The following PDK1 variants were observed in gnomAD, a reference collection of about 807,000 sequenced individuals.
The protein encoded by PDK1 is [Pyruvate dehydrogenase (acetyl-transferring)] kinase isozyme 1, mitochondrial.
Under a neutral mutation model 54.2 loss-of-function variants are expected in PDK1, and 39 were observed. The observed-to-expected ratio is 0.72, with a 90% CI of 0.56 to 0.94. The LOEUF (loss-of-function observed/expected upper bound fraction) is 0.94. Among genes scored for constraint, PDK1 ranks in the 40% least tolerant of loss-of-function variants. The pLI is 0.00. For missense variants in PDK1, 552 were observed against 566.0 expected, an observed-to-expected ratio of 0.98 and a Z score of 0.25; for synonymous variants, 221 against 207.1, an observed-to-expected ratio of 1.07 and a Z score of -0.58.
At chr2:172,595,441 A>G (rs1574539891) in intron 10 of PDK1, among the ~76,000 whole-genome samples, 1 of 152,238 alleles carries the variant, frequency 6.6e-6, no homozygotes, top group African/African-American at 2.4e-5. Context: ...AATAATTAAA[A>G]TAGAGTTCAT....
the PDK1 span, among the ~76,000 whole-genome samples, chr2:172,646,063 G>A: frequency 6.6e-6 from 1 of 152,106 alleles, no homozygotes; most frequent in African/African-American, 2.4e-5. Context: ...TACTAAATAA[G>A]ATAGCATAAT....
the PDK1 span, among the ~76,000 whole-genome samples, chr2:172,664,247 G>T: frequency 4.2e-5 from 5 of 119,780 alleles, no homozygotes; most frequent in African/African-American, 1.3e-4. Flanking sequence ...GGAGGCAGAG[G>T]TTGCAAAGAG....
the PDK1 span, among the ~76,000 whole-genome samples, chr2:172,665,646 C>T: frequency 6.6e-6 from 1 of 152,184 alleles, no homozygotes; most frequent in Non-Finnish European, 1.5e-5. Context: ...AATTTGCCTA[C>T]CAGATTCCTT....
chr2:172,586,290 G>T lies in PDK1; in HGVS notation c.958G>T (p.Gly320Ter). The T allele has an allele frequency of 6.2e-7, 1 of 1,609,194 alleles. No individual in the cohort carries two copies. Among genetic ancestry groups the T allele is most frequent in the Non-Finnish European group, 8.5e-7 (1 of 1,175,662 alleles). Residue 320 changes from glycine to a stop codon, truncating the protein, a stop_gained, in exon 9 of 11, where the codon GGA becomes TGA. Transcript: ENST00000282077. LOFTEE classifies it high-confidence loss of function. The part of the protein sequence containing the change: ...EDLTVKMSDR[G>*]GGVPLRKIDR... ...TTTCTTACCTTAGATGAGTGACCGA[G>T]GAGGTGGCGTTCCTTTGAGGAAAAT...
At chr2:172,662,887 T>G in the PDK1 span, among the ~76,000 whole-genome samples, 1 of 152,160 alleles carries the variant, frequency 6.6e-6, no homozygotes, top group Non-Finnish European at 1.5e-5. Context: ...AGACCTCCCC[T>G]GATAAACTGG....
the PDK1 span, among the ~76,000 whole-genome samples, chr2:172,682,058 C>T: frequency 6.6e-6 from 1 of 152,348 alleles, no homozygotes; most frequent in South Asian, 2.1e-4. Context: ...CACGCCCAGC[C>T]AGGAATTACA....
At chr2:172,629,972 CTG>C in the PDK1 span, among the ~76,000 whole-genome samples, 4 of 152,180 alleles carry the variant, frequency 2.6e-5, no homozygotes, top group African/African-American at 7.2e-5. Context: ...CCTCAACAAT[CTG>C]TGTGTGAGTT....
chr2:172,660,902 G>A, the PDK1 span, among the ~76,000 whole-genome samples: 1 of 152,168 alleles, frequency 6.6e-6, no homozygotes, highest in African/African-American at 2.4e-5. Flanking sequence ...TACCTGTCTG[G>A]CAAGGGAAGA....
the PDK1 span, among the ~76,000 whole-genome samples, chr2:172,620,441 C>A: frequency 1.3e-5 from 2 of 152,074 alleles, no homozygotes; most frequent in South Asian, 4.2e-4. Flanking sequence ...TTGGACAGAA[C>A]TGAGGATATG....
intron 8 of PDK1, among the ~76,000 whole-genome samples, chr2:172,574,025 C>T (rs562561587): frequency 1.1e-4 from 16 of 152,258 alleles, no homozygotes; most frequent in East Asian, 1.9e-4. Context: ...AAAGTCTTGA[C>T]GACTTATGCC....
At chr2:172,655,681 C>T in the PDK1 span, among the ~76,000 whole-genome samples, 45 of 152,300 alleles carry the variant, frequency 3.0e-4, no homozygotes, top group African/African-American at 1.0e-3. Flanking sequence ...CAACCCCTTA[C>T]GGGATGGGGA....
chr2:172,644,210 A>T, the PDK1 span, among the ~76,000 whole-genome samples: 1 of 152,238 alleles, frequency 6.6e-6, no homozygotes, highest in East Asian at 1.9e-4. Context: ...AGACTTTAAA[A>T]ATGTACCAGA....
At chr2:172,614,785 A>G in the PDK1 span, among the ~76,000 whole-genome samples, 9 of 152,338 alleles carry the variant, frequency 5.9e-5, no homozygotes, top group Non-Finnish European at 1.2e-4. Flanking sequence ...CACCATGGCC[A>G]TAGAGGTTTC....
At chr2:172,613,291 T>G (rs1444927517), downstream of PDK1, among the ~76,000 whole-genome samples, 1 of 152,252 alleles carries the variant, frequency 6.6e-6, no homozygotes, top group African/African-American at 2.4e-5. Context: ...GCACACAGCC[T>G]GAAGGAACTG....
chr2:172,691,969 G>A, the PDK1 span, among the ~76,000 whole-genome samples: 1 of 152,210 alleles, frequency 6.6e-6, no homozygotes, highest in Admixed American at 6.5e-5. Context: ...GTTTAGTCTT[G>A]TAAGAACCTT....
chr2:172,587,755 G>T (rs552757517), intron 9 of PDK1, among the ~76,000 whole-genome samples: 1 of 152,292 alleles, frequency 6.6e-6, no homozygotes, highest in African/African-American at 2.4e-5. Flanking sequence ...ATTTTACAGA[G>T]AGCTGATTGG....
chr2:172,654,176 G>A, the PDK1 span, among the ~76,000 whole-genome samples: 5 of 152,202 alleles, frequency 3.3e-5, no homozygotes, highest in African/African-American at 1.2e-4. Flanking sequence ...TGGTGGGACT[G>A]TAAACTAGTT....
intron 8 of PDK1, among the ~76,000 whole-genome samples, chr2:172,573,995 A>G (rs898286096): frequency 1.4e-4 from 22 of 152,128 alleles, no homozygotes; most frequent in African/African-American, 5.1e-4. Flanking sequence ...TTTTATGTCT[A>G]AGAAACCATT....
the PDK1 span, among the ~76,000 whole-genome samples, chr2:172,679,741 G>A: frequency 6.6e-6 from 1 of 151,722 alleles, no homozygotes; most frequent in Non-Finnish European, 1.5e-5. Flanking sequence ...GAAAAAAATG[G>A]GGAGAGAAAG....
Sources: allele counts gnomAD v4.1 joint callset (sites outside exome capture counted in the v4.1 genomes callset), GRCh38; gene constraint gnomAD v4.1.1; transcripts MANE v1.5; gene names NCBI Gene and HGNC (gene_info 2026-07-23, HGNC 2026-07-21).